The following CARMIL1 variants were observed in gnomAD, a reference collection of about 807,000 sequenced individuals.
CARMIL1 encodes capping protein regulator and myosin 1 linker 1.
In CARMIL1, 90 loss-of-function variants were observed where a neutral mutation model predicts 177.1. The ratio of observed to expected loss-of-function variants is 0.51; its 90% CI spans 0.43 to 0.61. The LOEUF is 0.61. CARMIL1 is among the 20% of genes least tolerant of loss of function. The pLI, the probability that CARMIL1 is intolerant of heterozygous loss-of-function variation, is 0.00. For missense variants in CARMIL1, 1,380 were observed against 1,667.0 expected (o/e 0.83, Z 3.00); for synonymous variants, 577 against 606.2 (o/e 0.95, Z 0.71).
chr6:25,288,664 G>A lies in CARMIL1; in HGVS notation c.138+3755G>A, dbSNP rs147410803. 3.3e-3 allele frequency among the ~76,000 whole-genome samples: 509 copies of A among 152,312 alleles called. 4 individuals carry two copies. The highest frequency in any genetic ancestry group is 0.011 in the African/African-American group (470 of 41,558). ...AGGGGTCCTGCATTCTGTTTTCTCC[G>A]TGGTGCGGAAAGTGCCATTCCTTCT... On this transcript the variant is annotated intron_variant, in intron 2 of 36. Coordinates refer to ENST00000329474, the MANE Select transcript of CARMIL1 (RefSeq NM_017640.6).
intron 16 of CARMIL1, among the ~76,000 whole-genome samples, chr6:25,496,443 C>T (rs894508045): frequency 1.5e-5 from 2 of 132,012 alleles, no homozygotes; most frequent in African/African-American, 2.9e-5. Context: ...GCACCACTGC[C>T]AGCCTGGCAA....
chr6:25,322,397 A>C (rs7760151), intron 2 of CARMIL1, among the ~76,000 whole-genome samples: 41,924 of 152,166 alleles, frequency 0.28, 6,216 homozygotes, highest in East Asian at 0.4. Context: ...TGTTGGGATT[A>C]CAGGCCTGAG....
chr6:25,415,455 C>T (rs1484293698), intron 2 of CARMIL1, among the ~76,000 whole-genome samples: 1 of 150,436 alleles, frequency 6.6e-6, no homozygotes, highest in Non-Finnish European at 1.5e-5. Flanking sequence ...CTCCCTCCCT[C>T]TTCCTCTCCC....
chr6:25,348,919 C>T (rs930175881), intron 2 of CARMIL1, among the ~76,000 whole-genome samples: 2 of 152,082 alleles, frequency 1.3e-5, no homozygotes, highest in African/African-American at 2.4e-5. Context: ...TTGTAGAGTC[C>T]TCCCTACCAT....
chr6:25,616,940 C>T (rs1582541885), intron 36 of CARMIL1, among the ~76,000 whole-genome samples: 1 of 152,236 alleles, frequency 6.6e-6, no homozygotes, highest in South Asian at 2.1e-4. Flanking sequence ...TTGAATGGTG[C>T]TTACCTACTA....
intron 2 of CARMIL1, among the ~76,000 whole-genome samples, chr6:25,367,301 T>TA (rs1789929509): frequency 6.6e-6 from 1 of 152,244 alleles, no homozygotes; most frequent in South Asian, 2.1e-4. Flanking sequence ...AGATGCTGGT[T>TA]AAAAAACAAA....
intron 5 of CARMIL1, among the ~76,000 whole-genome samples, chr6:25,439,414 T>C (rs1797528852): frequency 6.6e-6 from 1 of 152,078 alleles, no homozygotes; most frequent in South Asian, 2.1e-4. Context: ...TAACATCACC[T>C]GGAGAAAGAT....
chr6:25,331,026 A>T (rs1468267123), intron 2 of CARMIL1, among the ~76,000 whole-genome samples: 1 of 151,558 alleles, frequency 6.6e-6, no homozygotes, highest in Non-Finnish European at 1.5e-5. Flanking sequence ...TGCTTATAAT[A>T]TTGTTTCTAT....
chr6:25,439,418 G>T, intron 5 of CARMIL1, among the ~76,000 whole-genome samples: 1 of 152,180 alleles, frequency 6.6e-6, no homozygotes, highest in African/African-American at 2.4e-5. Context: ...ATCACCTGGA[G>T]AAAGATGTGT....
Position 25,558,814 on chromosome 6 carries a change from G to C in CARMIL1, c.2742+1964G>C, listed in dbSNP as rs1453779894. Among the ~76,000 whole-genome samples the C allele has an allele frequency of 1.3e-5, 2 of 152,070 alleles. No homozygotes were observed. Among genetic ancestry groups the C allele is most frequent in the African/African-American group, 2.4e-5 (1 of 41,416 alleles). ...TGAGGAGCAGGGCCCTGGGTGTTGA[G>C]GGAGTGACAGAGAAACACAAGAGCT... On this transcript the variant is annotated intron_variant, in intron 29 of 36. Coordinates refer to ENST00000329474, the MANE Select transcript of CARMIL1 (RefSeq NM_017640.6). The surrounding 1 kb of genome is among the most constrained non-coding windows in gnomAD (Gnocchi z 4.1).
chr6:25,584,246 C>G (rs1813431651), intron 31 of CARMIL1, among the ~76,000 whole-genome samples: 1 of 150,276 alleles, frequency 6.7e-6, no homozygotes, highest in Non-Finnish European at 1.5e-5. Context: ...TGGTATGTTG[C>G]CCAGGCTAAT....
At chr6:25,481,380 T>C (rs1027332099) in intron 11 of CARMIL1, among the ~76,000 whole-genome samples, 1 of 152,218 alleles carries the variant, frequency 6.6e-6, no homozygotes, top group African/African-American at 2.4e-5. Flanking sequence ...TGATAAGATT[T>C]GTAGATAATT....
At chr6:25,495,303 T>A in intron 16 of CARMIL1, 88 bp downstream of exon 16, 1 of 871,860 alleles carries the variant, frequency 1.1e-6, no homozygotes, top group Admixed American at 3.1e-5. Flanking sequence ...AGATATATAA[T>A]CCAAAGACAA....
intron 29 of CARMIL1, among the ~76,000 whole-genome samples, chr6:25,561,559 A>C (rs562426215): frequency 6.4e-4 from 98 of 152,320 alleles, no homozygotes; most frequent in African/African-American, 2.3e-3. Flanking sequence ...TTTTCCCTTA[A>C]CAAATTCAAC....
intron 1 of CARMIL1, among the ~76,000 whole-genome samples, chr6:25,281,128 G>GTGCGCGCA (rs751093285): frequency 5.4e-5 from 1 of 18,672 alleles, no homozygotes; most frequent in African/African-American, 1.4e-4. Context: ...ACGCGCGTGT[G>GTGCGCGCA]CGCGCGCGCA....
At chr6:25,328,233 A>G (rs2150264069) in intron 2 of CARMIL1, among the ~76,000 whole-genome samples, 1 of 152,318 alleles carries the variant, frequency 6.6e-6, no homozygotes, top group East Asian at 1.9e-4. Context: ...AAGGCAAGCC[A>G]GAGATACAGC....
chr6:25,462,920 T>G (rs1015552428), intron 8 of CARMIL1, among the ~76,000 whole-genome samples: 1 of 152,224 alleles, frequency 6.6e-6, no homozygotes, highest in Non-Finnish European at 1.5e-5. Context: ...AAGGACTAAA[T>G]AAATATCTGC....
At position 25,606,064 on chromosome 6, in the gene CARMIL1, C is replaced by CT. The variant is rs1295235106; in HGVS notation, c.3639dup (p.Lys1214Ter). 6.2e-7 allele frequency: 1 copy of CT among 1,611,798 alleles called. No individual in the cohort carries two copies. The highest frequency in any genetic ancestry group is 1.3e-5 in the African/African-American group (1 of 74,738). On this transcript the variant is annotated frameshift_variant, in exon 35 of 37. Transcript: ENST00000329474. LOFTEE classifies it high-confidence loss of function. ...AAAGTGGCCTTTTTCATCTTAGTGCCTAAACTGCACCCAGGTCTTCCAGAG... is the reference window on the plus strand; with the variant it reads ...AAAGTGGCCTTTTTCATCTTAGTGCCTTAAACTGCACCCAGGTCTTCCAGAG...
At chr6:25,533,848 A>G (rs1256783266) in intron 24 of CARMIL1, among the ~76,000 whole-genome samples, 2 of 151,866 alleles carry the variant, frequency 1.3e-5, no homozygotes, top group Non-Finnish European at 2.9e-5. Flanking sequence ...CTTCCCAATT[A>G]TTTTTTTCAG....
Sources: allele counts gnomAD v4.1 joint callset (sites outside exome capture counted in the v4.1 genomes callset), GRCh38; gene constraint gnomAD v4.1.1; non-coding constraint Gnocchi (gnomAD v3.1); transcripts MANE v1.5; gene names NCBI Gene and HGNC (gene_info 2026-07-23, HGNC 2026-07-21).